Variants in TFDP2 observed in about 807,000 individuals in gnomAD.
TFDP2 encodes the protein transcription factor Dp-2.
Under a neutral mutation model 59.3 loss-of-function variants are expected in TFDP2, and 17 were observed. The observed-to-expected ratio is 0.29, with a 90% confidence interval of 0.20 to 0.43. The LOEUF (loss-of-function observed/expected upper bound fraction) is 0.43. Among genes scored for constraint, TFDP2 ranks in the 20% least tolerant of loss-of-function variants. The probability of loss-of-function intolerance (pLI) is 1.00; values close to 1 mark genes in which losing one functional copy is unlikely to be tolerated. For synonymous variants in TFDP2, 180 were observed against 194.7 expected (o/e 0.92, Z 0.63); for missense variants, 391 against 528.8 (o/e 0.74, Z 2.56).
At chr3:142,058,948 C>A (rs919867409) in intron 3 of TFDP2, among the ~76,000 whole-genome samples, 1 of 152,152 alleles carries the variant, frequency 6.6e-6, no homozygotes, top group East Asian at 1.9e-4. Flanking sequence ...CTGGCACCAG[C>A]CCCCATCCTA....
chr3:142,019,357 C>T (rs1231569567), intron 3 of TFDP2, among the ~76,000 whole-genome samples: 2 of 152,182 alleles, frequency 1.3e-5, no homozygotes, highest in Non-Finnish European at 2.9e-5. Context: ...AGCCACTGCG[C>T]CCGGCCTATT....
chr3:142,033,622 C>T (rs1051197960), intron 3 of TFDP2, among the ~76,000 whole-genome samples: 2 of 152,102 alleles, frequency 1.3e-5, no homozygotes, highest in African/African-American at 4.8e-5. Context: ...ACTAAAGCCC[C>T]CACAAGTTAG....
At chr3:142,128,466 A>G (rs1257233773) in intron 1 of TFDP2, among the ~76,000 whole-genome samples, 1 of 152,200 alleles carries the variant, frequency 6.6e-6, no homozygotes, top group Non-Finnish European at 1.5e-5. Context: ...CAAGCACTCA[A>G]TCACCCTGTG....
At chr3:142,101,356 CAAA>C (rs529718660) in intron 2 of TFDP2, among the ~76,000 whole-genome samples, 5 of 85,966 alleles carry the variant, frequency 5.8e-5, no homozygotes, top group Admixed American at 1.3e-4. Context: ...CCTGAGTAAC[CAAA>C]AAAAAAAAAA....
intron 1 of TFDP2, among the ~76,000 whole-genome samples, chr3:142,129,059 C>T (rs7611705): frequency 0.89 from 135,049 of 152,122 alleles, 60,199 homozygotes; most frequent in African/African-American, 0.97. Flanking sequence ...CCTGTCAATA[C>T]GAGTAACTAA....
intron 3 of TFDP2, among the ~76,000 whole-genome samples, chr3:142,073,598 C>T (rs1381821305): frequency 6.6e-6 from 1 of 151,996 alleles, no homozygotes; most frequent in East Asian, 1.9e-4. Flanking sequence ...CGTATGCCCT[C>T]TTCCAAAAAG....
At chr3:141,968,272 A>G (rs1037388537) in intron 9 of TFDP2, among the ~76,000 whole-genome samples, 2 of 135,952 alleles carry the variant, frequency 1.5e-5, no homozygotes, top group African/African-American at 5.6e-5. Flanking sequence ...ATATAATTAT[A>G]TATAATATAT....
intron 3 of TFDP2, among the ~76,000 whole-genome samples, chr3:142,034,917 A>G (rs1267477484): frequency 6.6e-6 from 1 of 151,746 alleles, no homozygotes; most frequent in Non-Finnish European, 1.5e-5. Context: ...CGTGTTAACC[A>G]AGATGGTCCC....
chr3:142,033,994 C>T (rs1047306759), intron 3 of TFDP2, among the ~76,000 whole-genome samples: 2 of 152,070 alleles, frequency 1.3e-5, no homozygotes, highest in African/African-American at 2.4e-5. Context: ...CTTCTAACTG[C>T]TAACCAAACT....
intron 1 of TFDP2, among the ~76,000 whole-genome samples, chr3:142,138,665 G>C (rs182699076): frequency 4.5e-4 from 68 of 152,276 alleles, no homozygotes; most frequent in African/African-American, 1.6e-3. Flanking sequence ...CAGTTTCCAC[G>C]TAATTGTGAG....
chr3:141,991,461 TA>T (rs1942752594), intron 6 of TFDP2, among the ~76,000 whole-genome samples: 1 of 151,760 alleles, frequency 6.6e-6, no homozygotes, highest in African/African-American at 2.4e-5. Flanking sequence ...AGCAAAAAAG[TA>T]AAAAATAAAA....
chr3:141,994,255 T>C (rs1943056839), intron 5 of TFDP2: 1 of 152,220 alleles, frequency 6.6e-6, no homozygotes, highest in Non-Finnish European at 1.5e-5. Flanking sequence ...TCACTTAATA[T>C]CCTTGAAGCA....
At chr3:142,050,001 G>C (rs1321031083) in intron 3 of TFDP2, among the ~76,000 whole-genome samples, 2 of 152,140 alleles carry the variant, frequency 1.3e-5, no homozygotes, top group Non-Finnish European at 2.9e-5. Flanking sequence ...GGGTGTGGTG[G>C]CTCACACCTG....
At chr3:142,063,905 A>G (rs2059994887) in intron 3 of TFDP2, among the ~76,000 whole-genome samples, 1 of 152,030 alleles carries the variant, frequency 6.6e-6, no homozygotes, top group Non-Finnish European at 1.5e-5. Flanking sequence ...CTTGTTGCTC[A>G]TTCTCCACTT....
chr3:142,119,530 T>G (rs553008061), intron 1 of TFDP2, among the ~76,000 whole-genome samples: 1 of 151,136 alleles, frequency 6.6e-6, no homozygotes, highest in East Asian at 1.9e-4. Flanking sequence ...GAAAATAGAA[T>G]GGCAATTCCT....
chr3:142,069,218 T>C (rs2060165052), intron 3 of TFDP2, among the ~76,000 whole-genome samples: 1 of 152,190 alleles, frequency 6.6e-6, no homozygotes, highest in South Asian at 2.1e-4. Context: ...GCGGTTTCTT[T>C]TGTTAATTCA....
intron 1 of TFDP2, among the ~76,000 whole-genome samples, chr3:142,127,669 A>G (rs2062324165): frequency 6.6e-6 from 1 of 152,020 alleles, no homozygotes; most frequent in South Asian, 2.1e-4. Flanking sequence ...CTTTTTGTTG[A>G]GATGGGATCT....
At chr3:141,988,669 CT>C (rs540352017) in intron 6 of TFDP2, among the ~76,000 whole-genome samples, 338 of 125,676 alleles carry the variant, frequency 2.7e-3, no homozygotes, top group African/African-American at 7.3e-3. Flanking sequence ...CTTTTCTTTT[CT>C]TTTTTTTTTT....
chr3:141,964,009 G>C, intron 9 of TFDP2, 46 bp from the exon 10 acceptor site: 3 of 1,555,332 alleles, frequency 1.9e-6, no homozygotes, highest in Non-Finnish European at 2.6e-6. Context: ...GCATAAGTGA[G>C]TTGGAATTTA....
Sources: allele counts gnomAD v4.1 joint callset (sites outside exome capture counted in the v4.1 genomes callset), GRCh38; gene constraint gnomAD v4.1.1; transcripts MANE v1.5; gene names NCBI Gene and HGNC (gene_info 2026-07-23, HGNC 2026-07-21).